The following CLDN10 variants were observed in gnomAD, a reference collection of about 807,000 sequenced individuals.
CLDN10 encodes the protein claudin-10.
A neutral mutation model predicts 22.9 loss-of-function variants in CLDN10; 15 were observed. The observed-to-expected ratio is 0.65, with a 90% CI of 0.44 to 1.01. CLDN10 has a LOEUF of 1.01. Among genes scored for constraint, CLDN10 ranks in the 50% least tolerant of loss-of-function variants. CLDN10 has a pLI of 0.00. For synonymous variants in CLDN10, 114 were observed against 111.4 expected, an observed-to-expected ratio of 1.02 and a Z score of -0.15; for missense variants, 247 against 287.8, an observed-to-expected ratio of 0.86 and a Z score of 1.03.
intron 1 of CLDN10, among the ~76,000 whole-genome samples, chr13:95,461,859 A>G (rs1359232722): frequency 6.6e-6 from 1 of 152,158 alleles, no homozygotes; most frequent in Non-Finnish European, 1.5e-5. Flanking sequence ...TGGGAGGCCA[A>G]TGCAGGAAGA....
At chr13:95,438,141 C>T (rs1400172773) in intron 1 of CLDN10, among the ~76,000 whole-genome samples, 2 of 152,234 alleles carry the variant, frequency 1.3e-5, no homozygotes, top group Non-Finnish European at 2.9e-5. Flanking sequence ...TCAGCCTTGA[C>T]TTCCTGGGCC....
chr13:95,568,647 G>C (rs1393724355), intron 3 of CLDN10, among the ~76,000 whole-genome samples: 1 of 151,978 alleles, frequency 6.6e-6, no homozygotes, highest in African/African-American at 2.4e-5. Context: ...TTATTTATTG[G>C]TTGTTCTCCT....
At chr13:95,503,096 T>C (rs141180320) in intron 1 of CLDN10, among the ~76,000 whole-genome samples, 200 of 152,300 alleles carry the variant, frequency 1.3e-3, no homozygotes, top group African/African-American at 4.7e-3. Context: ...GAGAAATGGA[T>C]TCACAGATGG....
chr13:95,493,114 G>C (rs9302075), intron 1 of CLDN10, among the ~76,000 whole-genome samples: 1 of 151,760 alleles, frequency 6.6e-6, no homozygotes, highest in Non-Finnish European at 1.5e-5. Context: ...AGTTGATCTG[G>C]AGGGTTATTC....
At chr13:95,551,192 G>A (rs2043562076), upstream of CLDN10, among the ~76,000 whole-genome samples, 1 of 152,166 alleles carries the variant, frequency 6.6e-6, no homozygotes, top group South Asian at 2.1e-4. Context: ...CTTACTTCGT[G>A]TTCTCAGAGC....
chr13:95,502,279 A>G (rs2042993840), intron 1 of CLDN10, among the ~76,000 whole-genome samples: 1 of 152,206 alleles, frequency 6.6e-6, no homozygotes, highest in East Asian at 1.9e-4. Context: ...TAATTGCAGT[A>G]ACACTTCGAA....
intron 1 of CLDN10, among the ~76,000 whole-genome samples, chr13:95,509,346 C>T (rs2043071744): frequency 1.3e-5 from 2 of 152,064 alleles, no homozygotes; most frequent in African/African-American, 4.8e-5. Context: ...GTATGAAGAC[C>T]AGCCCCTCCC....
At chr13:95,557,297 T>C (rs2043651601) in intron 1 of CLDN10, among the ~76,000 whole-genome samples, 1 of 152,174 alleles carries the variant, frequency 6.6e-6, no homozygotes, top group Non-Finnish European at 1.5e-5. Context: ...CTCCTGGTGG[T>C]GTTACTTGTA....
intron 1 of CLDN10, among the ~76,000 whole-genome samples, chr13:95,529,747 T>A (rs1314552202): frequency 6.6e-6 from 1 of 152,204 alleles, no homozygotes; most frequent in African/African-American, 2.4e-5. Flanking sequence ...TTTATACAAA[T>A]AAGTAGGTTA....
intron 1 of CLDN10, chr13:95,496,913 C>T (rs2042935490): frequency 6.6e-6 from 1 of 152,166 alleles, no homozygotes; most frequent in Non-Finnish European, 1.5e-5. Flanking sequence ...TAGGGACACA[C>T]AAACTCCAGT....
chr13:95,464,177 T>C (rs2042562741), intron 1 of CLDN10, among the ~76,000 whole-genome samples: 1 of 152,038 alleles, frequency 6.6e-6, no homozygotes, highest in Admixed American at 6.6e-5. Flanking sequence ...TATGTATACA[T>C]GTGCCATGCT....
chr13:95,526,817 A>C (rs76234039), intron 1 of CLDN10, among the ~76,000 whole-genome samples: 15,105 of 141,630 alleles, frequency 0.11, 929 homozygotes, highest in Middle Eastern at 0.13. Flanking sequence ...TAAATAAATA[A>C]ATAAACATGG....
intron 1 of CLDN10, among the ~76,000 whole-genome samples, chr13:95,448,534 A>AC (rs768765011): frequency 4.6e-5 from 7 of 151,862 alleles, no homozygotes; most frequent in Non-Finnish European, 8.8e-5. Context: ...GAGGAATGTG[A>AC]CCCCCCTGGA....
intron 1 of CLDN10, among the ~76,000 whole-genome samples, chr13:95,515,933 G>A (rs1393862944): frequency 1.3e-5 from 2 of 152,052 alleles, no homozygotes; most frequent in African/African-American, 4.8e-5. Context: ...AATGAGCTGG[G>A]CGTGATGGAG....
At chr13:95,517,890 C>T (rs955046565) in intron 1 of CLDN10, among the ~76,000 whole-genome samples, 7 of 144,668 alleles carry the variant, frequency 4.8e-5, no homozygotes, top group Admixed American at 3.6e-4. Flanking sequence ...GCTGAGATCG[C>T]GCCATTGCAC....
At chr13:95,566,239 C>G (rs1006924363) in intron 3 of CLDN10, among the ~76,000 whole-genome samples, 4 of 152,224 alleles carry the variant, frequency 2.6e-5, no homozygotes, top group Non-Finnish European at 5.9e-5. Context: ...TACACTCCCA[C>G]CAACAGTGTA....
At chr13:95,492,284 G>T (rs2042880568) in intron 1 of CLDN10, among the ~76,000 whole-genome samples, 1 of 151,786 alleles carries the variant, frequency 6.6e-6, no homozygotes. Context: ...GGACCATAAG[G>T]TGGGGGCGGG....
At chr13:95,542,633 C>T (rs1005470634) in intron 1 of CLDN10, among the ~76,000 whole-genome samples, 1 of 151,726 alleles carries the variant, frequency 6.6e-6, no homozygotes, top group Non-Finnish European at 1.5e-5. Flanking sequence ...ATGATGAAAC[C>T]CCATCTGTAC....
At chr13:95,526,826 G>A (rs1204274933) in intron 1 of CLDN10, among the ~76,000 whole-genome samples, 3 of 114,962 alleles carry the variant, frequency 2.6e-5, no homozygotes, top group East Asian at 3.0e-4. Context: ...AAATAAACAT[G>A]GCGAGAAGGA....
Sources: gnomAD v4.1 joint callset for allele counts (sites outside exome capture counted in the v4.1 genomes callset) on GRCh38, gnomAD v4.1.1 for gene constraint, MANE v1.5 for transcripts, NCBI Gene and HGNC (gene_info 2026-07-23, HGNC 2026-07-21) for gene names.